GRIK4: variants seen among roughly 807,000 people sequenced by gnomAD.
GRIK4 encodes the protein glutamate ionotropic receptor kainate type subunit 4.
GRIK4 carries 40 observed loss-of-function variants against 104.9 expected under a neutral mutation model. That is an observed-to-expected ratio of 0.38 (90% CI 0.30 to 0.50). GRIK4 has a LOEUF of 0.50. Ranked by LOEUF, GRIK4 falls within the 20% of genes least tolerant of loss-of-function variation. The probability of loss-of-function intolerance (pLI) is 0.93; values close to 1 mark genes in which losing one functional copy is unlikely to be tolerated. For missense variants in GRIK4, 1,047 were observed against 1,308.1 expected (o/e 0.80, Z 3.08); for synonymous variants, 485 against 524.9 (o/e 0.92, Z 1.04).
intron 3 of GRIK4, among the ~76,000 whole-genome samples, chr11:120,745,317 C>G (rs1951420077): frequency 6.6e-6 from 1 of 152,212 alleles, no homozygotes; most frequent in Non-Finnish European, 1.5e-5. Flanking sequence ...TCTATTTATA[C>G]TAAATCTATA....
intron 1 of GRIK4, among the ~76,000 whole-genome samples, chr11:120,579,665 G>A (rs1458838741): frequency 6.6e-6 from 1 of 152,198 alleles, no homozygotes; most frequent in Non-Finnish European, 1.5e-5. Flanking sequence ...GGTTGGGTGA[G>A]AACTGACAGA....
chr11:120,629,981 A>G (rs114403179), intron 1 of GRIK4, among the ~76,000 whole-genome samples: 6,366 of 152,266 alleles, frequency 0.042, 432 homozygotes, highest in African/African-American at 0.14. Flanking sequence ...GATACCCAGC[A>G]CCAAAATAAA....
At chr11:120,928,867 G>C (rs1943412030) in intron 13 of GRIK4, among the ~76,000 whole-genome samples, 1 of 152,116 alleles carries the variant, frequency 6.6e-6, no homozygotes, top group African/African-American at 2.4e-5. Context: ...TGCTCCACTG[G>C]GCCTCTGCCT....
chr11:120,850,477 G>A (rs927193823), intron 8 of GRIK4, among the ~76,000 whole-genome samples: 3 of 152,212 alleles, frequency 2.0e-5, no homozygotes, highest in African/African-American at 7.2e-5. Flanking sequence ...GAGAGTGCTG[G>A]AGACACTTGA....
intron 1 of GRIK4, among the ~76,000 whole-genome samples, chr11:120,622,648 C>A (rs1949204247): frequency 6.6e-6 from 1 of 152,188 alleles, no homozygotes; most frequent in African/African-American, 2.4e-5. Context: ...TGACCGGAAG[C>A]CAAGTGGCTT....
intron 3 of GRIK4, among the ~76,000 whole-genome samples, chr11:120,674,854 T>C (rs1464470120): frequency 6.6e-6 from 1 of 152,166 alleles, no homozygotes; most frequent in Non-Finnish European, 1.5e-5. Flanking sequence ...TGAGTAGAAT[T>C]GCAATAGGTG....
At position 120,937,190 on chromosome 11, in the gene GRIK4, C is replaced by T. The variant is rs186431551; in HGVS notation, c.1477-3157C>T. Among the ~76,000 whole-genome samples the T allele has an allele frequency of 1.7e-3, 261 of 152,240 alleles. 1 individual carries two copies. Among genetic ancestry groups the T allele is most frequent in the African/African-American group, 6.1e-3 (254 of 41,532 alleles). On this transcript the variant is annotated intron_variant, in intron 13 of 20. Coordinates refer to ENST00000527524, the MANE Select transcript of GRIK4 (RefSeq NM_014619.5). ...AGTAGCTGGGACTACAGACGTGCAC[C>T]ACCATGCCCAGCTAATTTTTGTATT... is the stretch of plus-strand genomic sequence containing the variant.
In GRIK4 at chr11:120,903,540, A is replaced by AT. The variant is rs1565428953; in HGVS notation, c.1273-1746dup. On this transcript the variant is annotated intron_variant, in intron 12 of 20. Transcript: ENST00000527524. The surrounding 1 kb of genome is among the most constrained non-coding windows in gnomAD (Gnocchi z 4.4). The stretch of plus-strand genomic sequence containing the variant: ...TCCTCTTTTCTCCCCTTTTCCAGGG[A>AT]TTTTCCCTTCCTGCCTGTAAATACA... 6.6e-6 allele frequency among the ~76,000 whole-genome samples: 1 copy of AT among 151,470 alleles called. No individual in the cohort carries two copies.
At chr11:120,626,710 A>G (rs1317992022) in intron 1 of GRIK4, among the ~76,000 whole-genome samples, 1 of 152,104 alleles carries the variant, frequency 6.6e-6, no homozygotes, top group Non-Finnish European at 1.5e-5. Context: ...TCCAATCTCA[A>G]GGACTCCGCA....
chr11:120,935,406 C>T (rs539390074), intron 13 of GRIK4, among the ~76,000 whole-genome samples: 2 of 152,078 alleles, frequency 1.3e-5, no homozygotes, highest in South Asian at 4.2e-4. Context: ...CAAAATTAGC[C>T]GGGTGTGGTG....
At chr11:120,979,411 A>T (rs1944614512) in intron 19 of GRIK4, among the ~76,000 whole-genome samples, 1 of 152,162 alleles carries the variant, frequency 6.6e-6, no homozygotes, top group African/African-American at 2.4e-5. Context: ...AGAAGCAAAA[A>T]TTTTTAAATG....
intron 2 of GRIK4, among the ~76,000 whole-genome samples, chr11:120,655,453 A>T (rs1949692149): frequency 6.6e-6 from 1 of 152,076 alleles, no homozygotes; most frequent in African/African-American, 2.4e-5. Context: ...TATCCATTAG[A>T]TTGAGGGGAT....
chr11:120,661,580 T>C (rs1289081045), intron 3 of GRIK4, among the ~76,000 whole-genome samples: 7 of 152,176 alleles, frequency 4.6e-5, no homozygotes, highest in African/African-American at 7.2e-5. Flanking sequence ...ATTCCTCCAA[T>C]TGCATTCAGG....
chr11:120,792,486 G>C (rs1952418296), intron 3 of GRIK4, among the ~76,000 whole-genome samples: 1 of 152,044 alleles, frequency 6.6e-6, no homozygotes, highest in Non-Finnish European at 1.5e-5. Context: ...AGGTGGTGGT[G>C]GTTGTGCCAG....
chr11:120,888,866 T>A (rs2134444485), intron 11 of GRIK4, among the ~76,000 whole-genome samples: 1 of 152,356 alleles, frequency 6.6e-6, no homozygotes, highest in South Asian at 2.1e-4. Flanking sequence ...AACCCACTAA[T>A]GGGTTGCAAC....
chr11:120,708,067 GAATA>G (rs1167328450), intron 3 of GRIK4, among the ~76,000 whole-genome samples: 1 of 152,166 alleles, frequency 6.6e-6, no homozygotes, highest in Non-Finnish European at 1.5e-5. Context: ...CACATCATAA[GAATA>G]CCTGGGATGG....
chr11:120,624,845 A>AC (rs1949236729), intron 1 of GRIK4, among the ~76,000 whole-genome samples: 1 of 152,190 alleles, frequency 6.6e-6, no homozygotes, highest in Admixed American at 6.5e-5. Context: ...ACACAGAAAT[A>AC]AAGACACCTT....
At position 120,603,760 on chromosome 11, in the gene GRIK4, T is replaced by C. The variant is rs560893638; in HGVS notation, c.-158-49925T>C. 3.3e-5 allele frequency among the ~76,000 whole-genome samples: 5 copies of C among 152,270 alleles called. No homozygotes were observed. In the South Asian group the frequency reaches 1.0e-3, roughly 32 times the overall value. Reference sequence around the variant, plus strand: ...TTCATTTGGGGGGAAGGTTTGGCAATATCTGAGGACATTTTTGTTGCCACA... The same window carrying C: ...TTCATTTGGGGGGAAGGTTTGGCAACATCTGAGGACATTTTTGTTGCCACA... On this transcript the variant is annotated intron_variant, in intron 1 of 20. Transcript: ENST00000527524.
intron 1 of GRIK4, among the ~76,000 whole-genome samples, chr11:120,551,570 C>T (rs1012693669): frequency 1.3e-5 from 2 of 152,074 alleles, no homozygotes; most frequent in African/African-American, 4.8e-5. Flanking sequence ...TGCTCGATAC[C>T]AGGAGTTCAA....
Sources: gnomAD v4.1 joint callset for allele counts (sites outside exome capture counted in the v4.1 genomes callset) on GRCh38, gnomAD v4.1.1 for gene constraint, Gnocchi (gnomAD v3.1) non-coding constraint, MANE v1.5 for transcripts, NCBI Gene and HGNC (gene_info 2026-07-23, HGNC 2026-07-21) for gene names.